The following ZDHHC14 variants were observed in gnomAD, a reference collection of about 807,000 sequenced individuals.
The protein encoded by ZDHHC14 is palmitoyltransferase ZDHHC14.
A neutral mutation model predicts 47.7 loss-of-function variants in ZDHHC14; 16 were observed. The observed-to-expected ratio is 0.34, with a 90% CI of 0.23 to 0.51. ZDHHC14 has a LOEUF of 0.51. Among genes scored for constraint, ZDHHC14 ranks in the 20% least tolerant of loss-of-function variants. The pLI, the probability that ZDHHC14 is intolerant of heterozygous loss-of-function variation, is 0.97. For synonymous variants in ZDHHC14, 293 were observed against 278.9 expected, an observed-to-expected ratio of 1.05 and a Z score of -0.50; for missense variants, 515 against 662.5, an observed-to-expected ratio of 0.78 and a Z score of 2.44.
rs34988240 is a variant in ZDHHC14, at chr6:157,511,547, C to CTTTTTTTTTTTTTTTTT, written c.246-31036_246-31020dup. The stretch of plus-strand genomic sequence containing the variant: ...AGGCATGCGCCACGAAGCCCGGGTA[C>CTTTTTTTTTTTTTTTTT]TTTTTTTTTTTTTTTTTTGTATTTT... On this transcript the variant is annotated intron_variant, in intron 1 of 8. Coordinates refer to ENST00000359775, the MANE Select transcript of ZDHHC14 (RefSeq NM_024630.3). 5.0e-4 allele frequency among the ~76,000 whole-genome samples: 58 copies of CTTTTTTTTTTTTTTTTT among 114,878 alleles called. 3 individuals are homozygous for CTTTTTTTTTTTTTTTTT. Among genetic ancestry groups the CTTTTTTTTTTTTTTTTT allele is most frequent in the African/African-American group, 1.6e-3 (44 of 26,726 alleles). The allele number at this position is 114,878 out of a possible 152,430, so 75.4% of individuals were successfully genotyped here.
At chr6:157,407,057 G>T (rs1406682798) in intron 1 of ZDHHC14, among the ~76,000 whole-genome samples, 7 of 152,216 alleles carry the variant, frequency 4.6e-5, no homozygotes, top group African/African-American at 1.7e-4. Flanking sequence ...AAATGTAATG[G>T]ACACACATTA....
At chr6:157,416,972 GTTTTTTTTTTTTTTTT>G (rs71027335) in intron 1 of ZDHHC14, among the ~76,000 whole-genome samples, 26 of 45,560 alleles carry the variant, frequency 5.7e-4, no homozygotes, top group East Asian at 8.8e-4. Flanking sequence ...TGCCTGGCTA[GTTTTTTTTTTTTTTTT>G]TTTTTTTTTT....
chr6:157,510,476 C>T (rs929816301), intron 1 of ZDHHC14, among the ~76,000 whole-genome samples: 1 of 152,076 alleles, frequency 6.6e-6, no homozygotes, highest in Non-Finnish European at 1.5e-5. Flanking sequence ...CTTGTCCACC[C>T]CAGGACACCC....
At chr6:157,597,117 G>A (rs989515981) in intron 3 of ZDHHC14, among the ~76,000 whole-genome samples, 2 of 152,016 alleles carry the variant, frequency 1.3e-5, no homozygotes, top group Non-Finnish European at 2.9e-5. Flanking sequence ...GCAGCATTTC[G>A]GGTTGTTTAT....
rs1187323622 is a variant in ZDHHC14, at chr6:157,515,457, CTTTTTTTTTTTTTTT to C, written c.246-27121_246-27107del. 1.8e-3 allele frequency among the ~76,000 whole-genome samples: 236 copies of C among 129,476 alleles called. 1 individual carries two copies. Among genetic ancestry groups the C allele is most frequent in the African/African-American group, 6.2e-3 (221 of 35,760 alleles). The allele number at this position is 129,476 out of a possible 152,430, so 84.9% of individuals were successfully genotyped here. A position where few individuals can be genotyped will look rare whatever the true frequency, so the allele number is the denominator to read the frequency against. On this transcript the variant is annotated intron_variant, in intron 1 of 8. Coordinates refer to ENST00000359775, the MANE Select transcript of ZDHHC14 (RefSeq NM_024630.3). ...TTCATTTCTCTTTCTTTTTCTTTTT[CTTTTTTTTTTTTTTT>C]TTTTTTGGAGACGGAGTCTTGCTCT...
At chr6:157,626,890 T>TGGGG (rs113464326) in intron 3 of ZDHHC14, among the ~76,000 whole-genome samples, 118 of 135,298 alleles carry the variant, frequency 8.7e-4, no homozygotes, top group African/African-American at 3.2e-3. Context: ...CTTTTCCAGC[T>TGGGG]GGGGGGGGGG....
intron 2 of ZDHHC14, among the ~76,000 whole-genome samples, chr6:157,562,880 C>G (rs1782762934): frequency 6.6e-6 from 1 of 152,080 alleles, no homozygotes; most frequent in African/African-American, 2.4e-5. Flanking sequence ...CGCCTCCCAC[C>G]GCCCCCCAAG....
At chr6:157,563,970 C>T (rs930043611) in intron 2 of ZDHHC14, among the ~76,000 whole-genome samples, 10 of 152,250 alleles carry the variant, frequency 6.6e-5, no homozygotes, top group African/African-American at 2.4e-4. Context: ...GTCTGCAGAC[C>T]AACCCCAAGG....
chr6:157,658,810 GGGT>G (rs774722422), intron 8 of ZDHHC14, among the ~76,000 whole-genome samples: 3 of 152,148 alleles, frequency 2.0e-5, no homozygotes, highest in Non-Finnish European at 2.9e-5. Flanking sequence ...GTTGGTATCG[GGGT>G]AATACCGGCT....
intron 5 of ZDHHC14, among the ~76,000 whole-genome samples, chr6:157,634,903 G>A (rs767475730): frequency 2.0e-5 from 3 of 152,202 alleles, no homozygotes; most frequent in Non-Finnish European, 4.4e-5. Context: ...GCCTGCTGGC[G>A]GCTTCTGCTC....
chr6:157,598,129 A>G lies in ZDHHC14; in HGVS notation c.565+4983A>G, dbSNP rs148377370. Among the ~76,000 whole-genome samples the G allele has an allele frequency of 6.0e-4, 92 of 152,276 alleles. 1 individual carries two copies. The highest frequency in any genetic ancestry group is 2.1e-3 in the African/African-American group (89 of 41,562). On this transcript the variant is annotated intron_variant, in intron 3 of 8. Coordinates refer to ENST00000359775, the MANE Select transcript of ZDHHC14 (RefSeq NM_024630.3). ...AGACTGCAGATACCTTGTGTGTTGC[A>G]TACACTCTGCTGTGCGCTGCCCTCA...
rs766303211 is a variant in ZDHHC14 at position 157,673,036 on chromosome 6, C to T, written c.1381C>T (p.Arg461Cys). The change falls in exon 9 of 9, where the codon CGC becomes TGC. Residue 461 changes from arginine (R) to cysteine (C), a missense_variant. By Grantham distance (180) the Arg-to-Cys change is radical. Transcript: ENST00000359775. The surrounding 1 kb of genome is among the most constrained non-coding windows in gnomAD (Gnocchi z 5.4). ...LAAGSPLAHS[R>C]TMHVLGLASQ... ...GGCGGGCAGCCCCCTGGCGCACAGC[C>T]GCACCATGCACGTGCTGGGCCTGGC... is the stretch of plus-strand genomic sequence containing the variant. The T allele has an allele frequency of 3.3e-5, 51 of 1,565,952 alleles. No homozygotes were observed. Among genetic ancestry groups the T allele is most frequent in the South Asian group, 4.6e-5 (4 of 86,348 alleles).
At chr6:157,517,588 G>A (rs1023680758) in intron 1 of ZDHHC14, among the ~76,000 whole-genome samples, 5 of 152,302 alleles carry the variant, frequency 3.3e-5, no homozygotes, top group African/African-American at 9.6e-5. Flanking sequence ...TGGGATTACA[G>A]GCTTGAGCCA....
chr6:157,653,161 A>G (rs1486258221), intron 7 of ZDHHC14, among the ~76,000 whole-genome samples: 2 of 152,134 alleles, frequency 1.3e-5, no homozygotes, highest in Admixed American at 6.5e-5. Context: ...TGCTGAGTGA[A>G]TGTAGTAAGA....
At chr6:157,388,437 G>A (rs1562405834) in intron 1 of ZDHHC14, among the ~76,000 whole-genome samples, 1 of 152,194 alleles carries the variant, frequency 6.6e-6, no homozygotes, top group Non-Finnish European at 1.5e-5. Context: ...ATTCATGGCA[G>A]AGTTATTATG....
At chr6:157,429,148 G>T (rs1345449880) in intron 1 of ZDHHC14, among the ~76,000 whole-genome samples, 1 of 152,284 alleles carries the variant, frequency 6.6e-6, no homozygotes, top group Non-Finnish European at 1.5e-5. Context: ...CAGGCTCCAT[G>T]GATCTGTGCA....
chr6:157,381,845 C>T lies in ZDHHC14; in HGVS notation c.-177C>T. On this transcript the variant is annotated 5_prime_UTR_variant, in exon 1 of 9. Coordinates refer to ENST00000359775, the MANE Select transcript of ZDHHC14 (RefSeq NM_024630.3). ...ATTCTGCTATGACAGTTGGGCTCCC[C>T]GGAGGGTTAACCTGGGTGTCCTCGG... 1 of 340,852 alleles carries T rather than the reference C, an allele frequency of 2.9e-6. No individual in the cohort carries two copies. Among genetic ancestry groups the T allele is most frequent in the Non-Finnish European group, 4.1e-6 (1 of 243,934 alleles). 21.1% of individuals were successfully genotyped at this position (340,852 alleles called of 1,614,324 possible).
chr6:157,651,248 C>A (rs147623128), intron 7 of ZDHHC14, among the ~76,000 whole-genome samples: 2 of 152,332 alleles, frequency 1.3e-5, no homozygotes, highest in East Asian at 3.9e-4. Flanking sequence ...CCCTTCCTTG[C>A]CTCTTCCTGG....
At chr6:157,485,581 G>A (rs920451273) in intron 1 of ZDHHC14, among the ~76,000 whole-genome samples, 1 of 151,940 alleles carries the variant, frequency 6.6e-6, no homozygotes. Context: ...TGCATTTCTG[G>A]CAGAGATGGG....
Sources: gnomAD v4.1 joint callset for allele counts (sites outside exome capture counted in the v4.1 genomes callset) on GRCh38, gnomAD v4.1.1 for gene constraint, Gnocchi (gnomAD v3.1) non-coding constraint, MANE v1.5 for transcripts, NCBI Gene and HGNC (gene_info 2026-07-23, HGNC 2026-07-21) for gene names.